The following CDH12 variants were observed in gnomAD, a reference collection of about 807,000 sequenced individuals.
CDH12 encodes the protein cadherin-12.
A neutral mutation model predicts 74.1 loss-of-function variants in CDH12; 41 were observed. That is an observed-to-expected ratio of 0.55 (90% CI 0.43 to 0.72). CDH12 has a LOEUF of 0.72. CDH12 is among the 30% of genes least tolerant of loss of function. The pLI, the probability that CDH12 is intolerant of heterozygous loss-of-function variation, is 0.00. For synonymous variants in CDH12, 399 were observed against 355.0 expected, an observed-to-expected ratio of 1.12 and a Z score of -1.39; for missense variants, 945 against 977.2, an observed-to-expected ratio of 0.97 and a Z score of 0.44.
intron 4 of CDH12, among the ~76,000 whole-genome samples, chr5:22,187,308 T>A (rs1376609667): frequency 1.3e-5 from 2 of 152,270 alleles, no homozygotes; most frequent in African/African-American, 4.8e-5. Context: ...AAAATGAAAA[T>A]GTCCCAATTA....
intron 1 of CDH12, among the ~76,000 whole-genome samples, chr5:22,822,851 A>G (rs1311388668): frequency 7.9e-5 from 12 of 152,200 alleles, no homozygotes; most frequent in Non-Finnish European, 1.8e-4. Context: ...TAGAACTGGA[A>G]ATACCATTTG....
At chr5:22,132,129 T>C (rs944843031) in intron 4 of CDH12, among the ~76,000 whole-genome samples, 3 of 151,954 alleles carry the variant, frequency 2.0e-5, no homozygotes, top group East Asian at 1.9e-4. Flanking sequence ...AGATCACAGA[T>C]ACAGGTATAG....
intron 5 of CDH12, among the ~76,000 whole-genome samples, chr5:21,992,911 G>A (rs1244853261): frequency 1.3e-5 from 2 of 152,156 alleles, no homozygotes; most frequent in East Asian, 1.9e-4. Context: ...CACGGCTGGG[G>A]AGGCCTCAGA....
intron 1 of CDH12, among the ~76,000 whole-genome samples, chr5:22,703,509 A>T (rs3932016): frequency 6.6e-6 from 1 of 152,166 alleles, no homozygotes; most frequent in East Asian, 1.9e-4. Context: ...TTTTTCCCCC[A>T]AAATGAGTGA....
At chr5:22,691,806 TC>T (rs1223910804) in intron 1 of CDH12, among the ~76,000 whole-genome samples, 5 of 152,128 alleles carry the variant, frequency 3.3e-5, no homozygotes, top group African/African-American at 7.2e-5. Context: ...TAGCAGAGTT[TC>T]TTACACACTG....
chr5:22,841,925 T>A (rs1411138367), intron 1 of CDH12, among the ~76,000 whole-genome samples: 1 of 152,112 alleles, frequency 6.6e-6, no homozygotes, highest in Non-Finnish European at 1.5e-5. Flanking sequence ...GGAGATGAAG[T>A]GTTCAACACA....
In CDH12 at chr5:21,944,088, G is replaced by A. The variant is rs1281065877; in HGVS notation, c.526+31003C>T. Among the ~76,000 whole-genome samples the A allele has an allele frequency of 4.6e-5, 7 of 152,248 alleles. No homozygotes were observed. In the East Asian group the frequency reaches 1.4e-3, roughly 29 times the overall value. On this transcript the variant is annotated intron_variant, in intron 6 of 14. Transcript: ENST00000382254. ...GAATCAGATTGTAGAGACATTTAAAGATTAACTAATACAAACTTGTCCTCT... is the reference window on the plus strand; with the variant it reads ...GAATCAGATTGTAGAGACATTTAAAAATTAACTAATACAAACTTGTCCTCT...
At chr5:22,436,628 C>A (rs186404195) in intron 2 of CDH12, among the ~76,000 whole-genome samples, 25 of 151,914 alleles carry the variant, frequency 1.6e-4, no homozygotes, top group Non-Finnish European at 3.2e-4. Flanking sequence ...CTAGGCAGCA[C>A]GCAAGGAGAA....
chr5:22,576,055 A>T (rs1028475029), intron 1 of CDH12, among the ~76,000 whole-genome samples: 1 of 152,076 alleles, frequency 6.6e-6, no homozygotes, highest in Admixed American at 6.6e-5. Context: ...TTGGTAAACA[A>T]CTACTTCCCA....
intron 4 of CDH12, among the ~76,000 whole-genome samples, chr5:22,131,461 T>A (rs1037864463): frequency 1.3e-5 from 2 of 152,150 alleles, no homozygotes; most frequent in Admixed American, 1.3e-4. Context: ...GGTATCAGTA[T>A]TCTACTTCCC....
chr5:22,625,381 G>A (rs1441817810), intron 1 of CDH12, among the ~76,000 whole-genome samples: 1 of 152,072 alleles, frequency 6.6e-6, no homozygotes, highest in Non-Finnish European at 1.5e-5. Context: ...TGTGAGGAGT[G>A]GCCAACACTA....
At chr5:22,758,465 A>G (rs1184402255) in intron 1 of CDH12, among the ~76,000 whole-genome samples, 4 of 152,104 alleles carry the variant, frequency 2.6e-5, no homozygotes, top group Non-Finnish European at 5.9e-5. Context: ...GATGAAAACT[A>G]CGAAGTTGTA....
intron 1 of CDH12, among the ~76,000 whole-genome samples, chr5:22,739,670 A>T (rs908270802): frequency 6.6e-6 from 1 of 152,062 alleles, no homozygotes; most frequent in Non-Finnish European, 1.5e-5. Flanking sequence ...GAAGTTATTT[A>T]TTATGCATAA....
chr5:22,837,316 G>A (rs888001270), intron 1 of CDH12, among the ~76,000 whole-genome samples: 1 of 152,104 alleles, frequency 6.6e-6, no homozygotes, highest in African/African-American at 2.4e-5. Flanking sequence ...GCTGAGGCAG[G>A]AGGATTGCTT....
At chr5:22,737,307 GTCTGA>G (rs2127012205) in intron 1 of CDH12, among the ~76,000 whole-genome samples, 1 of 151,858 alleles carries the variant, frequency 6.6e-6, no homozygotes, top group Non-Finnish European at 1.5e-5. Flanking sequence ...GAATCCCATA[GTCTGA>G]TCCCTACCTG....
intron 4 of CDH12, among the ~76,000 whole-genome samples, chr5:22,208,820 A>G (rs1441540194): frequency 1.3e-5 from 2 of 152,152 alleles, no homozygotes; most frequent in African/African-American, 4.8e-5. Flanking sequence ...CTCTTCTACA[A>G]TATTGTCCTT....
intron 1 of CDH12, among the ~76,000 whole-genome samples, chr5:22,612,806 C>A (rs541060317): frequency 1.3e-5 from 2 of 152,038 alleles, no homozygotes; most frequent in Non-Finnish European, 2.9e-5. Context: ...ACATTCATAG[C>A]CTTTTCTGGA....
chr5:22,688,549 A>G (rs547775765), intron 1 of CDH12, among the ~76,000 whole-genome samples: 2 of 152,286 alleles, frequency 1.3e-5, no homozygotes, highest in East Asian at 3.9e-4. Flanking sequence ...TTTCTATTAT[A>G]TTCTTTTCTC....
chr5:22,458,118 C>T (rs1745362092), intron 2 of CDH12, among the ~76,000 whole-genome samples: 1 of 151,800 alleles, frequency 6.6e-6, no homozygotes, highest in Non-Finnish European at 1.5e-5. Context: ...GACCTTAAAT[C>T]ATCCACCCGC....
Sources: gnomAD v4.1 joint callset for allele counts (sites outside exome capture counted in the v4.1 genomes callset) on GRCh38, gnomAD v4.1.1 for gene constraint, MANE v1.5 for transcripts, NCBI Gene and HGNC (gene_info 2026-07-23, HGNC 2026-07-21) for gene names.